Variants in PTPRR observed in about 807,000 individuals in gnomAD.
The protein encoded by PTPRR is receptor-type tyrosine-protein phosphatase R.
In PTPRR, 38 loss-of-function variants were observed where a neutral mutation model predicts 77.2. The ratio of observed to expected loss-of-function variants is 0.49; its 90% CI spans 0.38 to 0.65. PTPRR has a LOEUF of 0.65. Among genes scored for constraint, PTPRR ranks in the 30% least tolerant of loss-of-function variants. The pLI, the probability that PTPRR is intolerant of heterozygous loss-of-function variation, is 0.00. For missense variants in PTPRR, 744 were observed against 799.2 expected (o/e 0.93, Z 0.83); for synonymous variants, 299 against 283.1 (o/e 1.06, Z -0.57).
At chr12:70,715,026 T>G (rs185266479) in intron 6 of PTPRR, among the ~76,000 whole-genome samples, 2 of 150,964 alleles carry the variant, frequency 1.3e-5, no homozygotes, top group Non-Finnish European at 3.0e-5. Flanking sequence ...CCAAAATAAT[T>G]TTTTTTTTGT....
intron 12 of PTPRR, 25 bp downstream of exon 12, chr12:70,660,915 A>G: frequency 6.3e-7 from 1 of 1,592,904 alleles, no homozygotes; most frequent in Non-Finnish European, 8.5e-7. Context: ...CATTGCTTAG[A>G]CAGAAAGGAC....
chr12:70,665,682 G>T (rs575527423), intron 10 of PTPRR, among the ~76,000 whole-genome samples: 18 of 151,492 alleles, frequency 1.2e-4, no homozygotes, highest in African/African-American at 4.4e-4. Flanking sequence ...GCGCCCGGCC[G>T]CCAGCTCATA....
intron 1 of PTPRR, among the ~76,000 whole-genome samples, chr12:70,909,254 C>A (rs1381356952): frequency 6.6e-6 from 1 of 152,108 alleles, no homozygotes; most frequent in African/African-American, 2.4e-5. Context: ...CACCTGATTC[C>A]CTAATTGTAT....
chr12:70,781,726 A>G (rs182459598), intron 2 of PTPRR, among the ~76,000 whole-genome samples: 20 of 152,278 alleles, frequency 1.3e-4, no homozygotes, highest in Admixed American at 1.2e-3. Context: ...ACGAAGACCA[A>G]TTTTGATCAG....
chr12:70,745,768 T>C (rs1312340029), intron 6 of PTPRR, 50 bp downstream of exon 6: 2 of 1,559,124 alleles, frequency 1.3e-6, no homozygotes, highest in Non-Finnish European at 1.7e-6. Context: ...AGTTGATGAA[T>C]ACTCTTTTTA....
intron 6 of PTPRR, among the ~76,000 whole-genome samples, chr12:70,704,509 C>T (rs1190880127): frequency 1.3e-5 from 2 of 151,932 alleles, no homozygotes; most frequent in Non-Finnish European, 2.9e-5. Context: ...GTATTAATTT[C>T]TGTTTTGACT....
At chr12:70,832,246 G>A (rs1345437723) in intron 2 of PTPRR, among the ~76,000 whole-genome samples, 1 of 152,200 alleles carries the variant, frequency 6.6e-6, no homozygotes, top group African/African-American at 2.4e-5. Flanking sequence ...AGACAAGTAT[G>A]TAAGTAGAGT....
intron 2 of PTPRR, among the ~76,000 whole-genome samples, chr12:70,790,018 C>G (rs1216927504): frequency 1.3e-5 from 2 of 152,138 alleles, no homozygotes; most frequent in Non-Finnish European, 2.9e-5. Context: ...AATGTTACAT[C>G]AACAGGAGAT....
At chr12:70,787,945 T>C (rs1891356215) in intron 2 of PTPRR, among the ~76,000 whole-genome samples, 1 of 152,238 alleles carries the variant, frequency 6.6e-6, no homozygotes, top group African/African-American at 2.4e-5. Context: ...AGAACCATTA[T>C]ATTGTTTTTA....
At chr12:70,678,156 T>C (rs1261518273) in intron 10 of PTPRR, among the ~76,000 whole-genome samples, 1 of 152,190 alleles carries the variant, frequency 6.6e-6, no homozygotes, top group Non-Finnish European at 1.5e-5. Flanking sequence ...TTCTCCTGCC[T>C]CAGCTTCCCA....
intron 1 of PTPRR, among the ~76,000 whole-genome samples, chr12:70,908,542 C>T (rs1256152767): frequency 6.6e-6 from 1 of 152,094 alleles, no homozygotes; most frequent in Non-Finnish European, 1.5e-5. Context: ...AACTTACTAC[C>T]ACAAGAACAG....
chr12:70,787,223 G>A (rs1361287293), intron 2 of PTPRR, among the ~76,000 whole-genome samples: 1 of 152,108 alleles, frequency 6.6e-6, no homozygotes, highest in Admixed American at 6.6e-5. Context: ...TATTAGGACT[G>A]CACTATGTCT....
intron 6 of PTPRR, among the ~76,000 whole-genome samples, chr12:70,733,587 C>T (rs1270894954): frequency 1.3e-5 from 2 of 151,972 alleles, no homozygotes; most frequent in African/African-American, 2.4e-5. Context: ...ACTAATTCCA[C>T]GTCCTCCAAT....
At chr12:70,770,543 C>T (rs544232671) in intron 2 of PTPRR, among the ~76,000 whole-genome samples, 1 of 152,148 alleles carries the variant, frequency 6.6e-6, no homozygotes, top group African/African-American at 2.4e-5. Flanking sequence ...GAAATAGGAA[C>T]ACTTTTATAC....
rs762889783 is a variant in PTPRR at position 70,746,018 on chromosome 12, G to T, written c.807C>A (p.Ile269=). ...GCTGTAATGTGATGGGCGATAGGTG[G>T]ATCTCCTGGTTTTTCTCTTTGTCTT... The part of the protein sequence containing the change: ...LRQDKEKNQE[I]HLSPITLQPA... The change falls in exon 6 of 14, where the codon ATC becomes ATA. Residue 269 remains isoleucine (I), a synonymous_variant. Transcript: ENST00000283228. 4 of 1,613,732 alleles carry T rather than the reference G, an allele frequency of 2.5e-6. No individual in the cohort carries two copies. In the Admixed American group the frequency reaches 6.7e-5, roughly 27 times the overall value.
rs959324815 is a variant in PTPRR at position 70,679,016 on chromosome 12, T to A, written c.1497+5111A>T. 2.0e-5 allele frequency among the ~76,000 whole-genome samples: 3 copies of A among 152,196 alleles called. No homozygotes were observed. In the South Asian group the frequency reaches 6.2e-4, roughly 31 times the overall value. ...TTTTCTAGTTCCTTGAGGTGTGTCATTAAGTTATCATCTTTCACTTACATT... is the reference window on the plus strand; with the variant it reads ...TTTTCTAGTTCCTTGAGGTGTGTCAATAAGTTATCATCTTTCACTTACATT... On this transcript the variant is annotated intron_variant, in intron 10 of 13. Coordinates refer to ENST00000283228, the MANE Select transcript of PTPRR (RefSeq NM_002849.4).
chr12:70,884,684 G>A (rs1388460564), intron 2 of PTPRR, among the ~76,000 whole-genome samples: 2 of 150,414 alleles, frequency 1.3e-5, no homozygotes, highest in African/African-American at 4.9e-5. Flanking sequence ...TGGCTAACAC[G>A]GTGAAACCCC....
intron 8 of PTPRR, among the ~76,000 whole-genome samples, chr12:70,692,126 C>T (rs931324115): frequency 2.6e-5 from 4 of 152,292 alleles, no homozygotes; most frequent in South Asian, 2.1e-4. Context: ...ATTCTTTTTA[C>T]TGCAGGACTT....
At chr12:70,668,966 T>C (rs1261575181) in intron 10 of PTPRR, among the ~76,000 whole-genome samples, 1 of 152,220 alleles carries the variant, frequency 6.6e-6, no homozygotes, top group Non-Finnish European at 1.5e-5. Context: ...CTTAAGGTTT[T>C]TGTGGACAAT....
Sources: allele counts gnomAD v4.1 joint callset (sites outside exome capture counted in the v4.1 genomes callset), GRCh38; gene constraint gnomAD v4.1.1; transcripts MANE v1.5; gene names NCBI Gene and HGNC (gene_info 2026-07-23, HGNC 2026-07-21).